Variants in GRIA4 observed in about 807,000 individuals in gnomAD.
GRIA4 encodes glutamate receptor 4.
A neutral mutation model predicts 104.0 loss-of-function variants in GRIA4; 34 were observed. The ratio of observed to expected loss-of-function variants is 0.33; its 90% CI spans 0.25 to 0.44. The LOEUF (loss-of-function observed/expected upper bound fraction) is 0.44, where lower values mean the gene tolerates loss of function less well. GRIA4 is among the 20% of genes least tolerant of loss of function. The pLI is 1.00. For missense variants in GRIA4, 750 were observed against 1,096.5 expected (o/e 0.68, Z 4.46); for synonymous variants, 386 against 381.9 (o/e 1.01, Z -0.13).
chr11:105,717,162 G>A (rs116185345), intron 3 of GRIA4, among the ~76,000 whole-genome samples: 38 of 152,104 alleles, frequency 2.5e-4, no homozygotes, highest in Admixed American at 4.6e-4. Flanking sequence ...AGAAAAGGTG[G>A]ATTGGAGCTA....
intron 3 of GRIA4, among the ~76,000 whole-genome samples, chr11:105,625,668 T>C (rs1950868645): frequency 6.6e-6 from 1 of 152,100 alleles, no homozygotes; most frequent in Non-Finnish European, 1.5e-5. Context: ...GCCTGACCTG[T>C]TCTGTCTGGA....
intron 14 of GRIA4, among the ~76,000 whole-genome samples, chr11:105,937,439 T>A (rs1168566811): frequency 6.6e-6 from 1 of 152,164 alleles, no homozygotes; most frequent in Non-Finnish European, 1.5e-5. Context: ...AATAAACCTG[T>A]TAAAGGTTCT....
chr11:105,715,302 C>T (rs1261069822), intron 3 of GRIA4, among the ~76,000 whole-genome samples: 2 of 152,088 alleles, frequency 1.3e-5, no homozygotes, highest in Admixed American at 6.6e-5. Flanking sequence ...GACTACCTTC[C>T]CTATATTAAG....
intron 4 of GRIA4, among the ~76,000 whole-genome samples, chr11:105,757,050 G>A (rs917966709): frequency 6.6e-6 from 1 of 152,118 alleles, no homozygotes; most frequent in Non-Finnish European, 1.5e-5. Flanking sequence ...TTGTAACTGA[G>A]GGAGAAATAA....
chr11:105,943,600 T>G (rs1948234543), intron 14 of GRIA4, among the ~76,000 whole-genome samples: 1 of 152,096 alleles, frequency 6.6e-6, no homozygotes, highest in African/African-American at 2.4e-5. Flanking sequence ...TTTCTCCTCA[T>G]CACAAATAGC....
rs202166065 is a variant in GRIA4, at chr11:105,804,378, G to A, written c.487+51158G>A. 9.7e-5 allele frequency among the ~76,000 whole-genome samples: 13 copies of A among 133,540 alleles called. No homozygotes were observed. In the East Asian group the frequency reaches 1.7e-3, roughly 18 times the overall value. The allele number at this position is 133,540 out of a possible 152,430, so 87.6% of individuals were successfully genotyped here. On this transcript the variant is annotated intron_variant, in intron 4 of 16. Transcript: ENST00000282499. ...TGCACACACACACACACACACACACGCACTAGACCACTGGACCATCCTCAG... is the reference window on the plus strand; with the variant it reads ...TGCACACACACACACACACACACACACACTAGACCACTGGACCATCCTCAG...
At chr11:105,809,185 C>T (rs1453804113) in intron 4 of GRIA4, among the ~76,000 whole-genome samples, 1 of 151,872 alleles carries the variant, frequency 6.6e-6, no homozygotes, top group African/African-American at 2.4e-5. Context: ...TAAAGTTAAC[C>T]TATATTTTAT....
At chr11:105,627,841 C>A (rs761587320) in intron 3 of GRIA4, among the ~76,000 whole-genome samples, 4 of 152,128 alleles carry the variant, frequency 2.6e-5, no homozygotes. Flanking sequence ...AATATAGATG[C>A]CGATAGAACA....
At chr11:105,923,234 A>C (rs144956237) in intron 11 of GRIA4, among the ~76,000 whole-genome samples, 1,868 of 152,230 alleles carry the variant, frequency 0.012, 26 homozygotes, top group South Asian at 0.049. Context: ...TAAACAATCA[A>C]AACTCCCTTT....
chr11:105,789,245 T>G (rs1290392527), intron 4 of GRIA4, among the ~76,000 whole-genome samples: 1 of 152,102 alleles, frequency 6.6e-6, no homozygotes, highest in East Asian at 1.9e-4. Flanking sequence ...GAACTATAGA[T>G]CTACAAAAAT....
chr11:105,704,775 A>G (rs1953633042), intron 3 of GRIA4, among the ~76,000 whole-genome samples: 2 of 152,164 alleles, frequency 1.3e-5, no homozygotes, highest in Admixed American at 1.3e-4. Flanking sequence ...GTAGACTCGA[A>G]TAAGTGAGAA....
At chr11:105,727,104 GTTA>G (rs1938260212) in intron 3 of GRIA4, among the ~76,000 whole-genome samples, 1 of 151,948 alleles carries the variant, frequency 6.6e-6, no homozygotes, top group Admixed American at 6.6e-5. Context: ...AAAGGAGCAT[GTTA>G]TAACCCAATG....
intron 4 of GRIA4, among the ~76,000 whole-genome samples, chr11:105,813,817 T>C (rs1001230310): frequency 5.9e-5 from 9 of 151,856 alleles, no homozygotes; most frequent in African/African-American, 2.2e-4. Flanking sequence ...CAAAACAAGA[T>C]AGACAATGAC....
At chr11:105,822,258 T>C (rs1943601167) in intron 4 of GRIA4, among the ~76,000 whole-genome samples, 2 of 152,108 alleles carry the variant, frequency 1.3e-5, no homozygotes, top group Non-Finnish European at 1.5e-5. Context: ...TGCTGCCCAA[T>C]GCCTACCCCA....
intron 6 of GRIA4, among the ~76,000 whole-genome samples, chr11:105,893,855 A>G (rs548451620): frequency 1.3e-5 from 2 of 152,332 alleles, no homozygotes; most frequent in South Asian, 4.1e-4. Flanking sequence ...CTCTGATAGA[A>G]GCAAACCAAT....
intron 3 of GRIA4, among the ~76,000 whole-genome samples, chr11:105,711,332 G>A (rs917500013): frequency 6.6e-6 from 1 of 151,804 alleles, no homozygotes; most frequent in Non-Finnish European, 1.5e-5. Context: ...GCTAAATGAC[G>A]AGTTAATGGG....
intron 14 of GRIA4, among the ~76,000 whole-genome samples, chr11:105,950,669 T>C (rs1169352577): frequency 1.3e-5 from 2 of 152,092 alleles, no homozygotes; most frequent in Admixed American, 1.3e-4. Context: ...CCTTCTTGGG[T>C]ATTTAGGCTG....
chr11:105,971,356 A>G (rs17104835), intron 14 of GRIA4, among the ~76,000 whole-genome samples: 28,003 of 152,164 alleles, frequency 0.18, 2,822 homozygotes, highest in South Asian at 0.24. Context: ...TCTGCATAAG[A>G]TGGTCTTTTG....
chr11:105,811,271 A>G (rs549080951), intron 4 of GRIA4, among the ~76,000 whole-genome samples: 1 of 152,302 alleles, frequency 6.6e-6, no homozygotes, highest in Non-Finnish European at 1.5e-5. Flanking sequence ...GATGTCCTTC[A>G]CCAGTCTTAG....
Sources: allele counts gnomAD v4.1 joint callset (sites outside exome capture counted in the v4.1 genomes callset), GRCh38; gene constraint gnomAD v4.1.1; transcripts MANE v1.5; gene names NCBI Gene and HGNC (gene_info 2026-07-23, HGNC 2026-07-21).